The following TAOK3 variants were observed in gnomAD, a reference collection of about 807,000 sequenced individuals.
The protein encoded by TAOK3 is TAO kinase 3.
A neutral mutation model predicts 120.4 loss-of-function variants in TAOK3; 40 were observed. The ratio of observed to expected loss-of-function variants is 0.33; its 90% CI spans 0.26 to 0.43. The LOEUF is 0.43. TAOK3 is among the 20% of genes least tolerant of loss of function. The probability of loss-of-function intolerance (pLI) is 1.00; values close to 1 mark genes in which losing one functional copy is unlikely to be tolerated. For missense variants in TAOK3, 821 were observed against 1,112.1 expected, an observed-to-expected ratio of 0.74 and a Z score of 3.72; for synonymous variants, 355 against 387.5, an observed-to-expected ratio of 0.92 and a Z score of 0.99.
intron 2 of TAOK3, among the ~76,000 whole-genome samples, chr12:118,261,081 C>T (rs575583275): frequency 6.6e-6 from 1 of 152,236 alleles, no homozygotes. Context: ...AAAGGGGTTA[C>T]TGAACTTGAA....
chr12:118,249,248 A>T (rs1017041273), intron 3 of TAOK3, among the ~76,000 whole-genome samples: 3 of 152,192 alleles, frequency 2.0e-5, no homozygotes, highest in Non-Finnish European at 4.4e-5. Flanking sequence ...TTTTATAGAC[A>T]AATATAAAAA....
In TAOK3 at chr12:118,150,973, T is replaced by C; in HGVS notation, c.*24A>G. The C allele has an allele frequency of 6.6e-7, 1 of 1,521,886 alleles. No individual in the cohort carries two copies. Among genetic ancestry groups the C allele is most frequent in the Non-Finnish European group, 8.8e-7 (1 of 1,138,826 alleles). The allele number at this position is 1,521,886 out of a possible 1,614,324, so 94.3% of individuals were successfully genotyped here. ...TCTGTTTTCTTTTTTTTTTTTTTTTTTGTAAATGGCAAAAAATTTAATCTC... is the reference window on the plus strand; with the variant it reads ...TCTGTTTTCTTTTTTTTTTTTTTTTCTGTAAATGGCAAAAAATTTAATCTC... On this transcript the variant is annotated 3_prime_UTR_variant, in exon 21 of 21. Transcript: ENST00000392533.
At chr12:118,343,574 C>T (rs2044723229) in intron 1 of TAOK3, among the ~76,000 whole-genome samples, 1 of 151,988 alleles carries the variant, frequency 6.6e-6, no homozygotes, top group Non-Finnish European at 1.5e-5. Flanking sequence ...GTATGGGGTG[C>T]ACCTGCAAAC....
chr12:118,362,880 G>A (rs1478546729), intron 1 of TAOK3, among the ~76,000 whole-genome samples: 2 of 152,006 alleles, frequency 1.3e-5, no homozygotes, highest in African/African-American at 4.8e-5. Context: ...CTAGCTGGGT[G>A]TAGTGGCATG....
chr12:118,242,087 CAAA>C (rs138217247), intron 5 of TAOK3, among the ~76,000 whole-genome samples: 9 of 110,798 alleles, frequency 8.1e-5, no homozygotes, highest in Admixed American at 9.5e-5. Context: ...AACTCTGTCT[CAAA>C]AAAAAAAAAA....
At chr12:118,240,688 G>T (rs1180930611) in intron 5 of TAOK3, among the ~76,000 whole-genome samples, 2 of 151,976 alleles carry the variant, frequency 1.3e-5, no homozygotes, top group African/African-American at 4.8e-5. Flanking sequence ...CTGATTTGTA[G>T]TCAAGGTCAA....
At chr12:118,192,309 A>G (rs1253518148) in intron 13 of TAOK3, among the ~76,000 whole-genome samples, 4 of 152,182 alleles carry the variant, frequency 2.6e-5, no homozygotes, top group Non-Finnish European at 4.4e-5. Flanking sequence ...AAATAATGCT[A>G]TTTTTATAGT....
At chr12:118,284,293 A>G (rs1332621641) in intron 1 of TAOK3, among the ~76,000 whole-genome samples, 1 of 152,220 alleles carries the variant, frequency 6.6e-6, no homozygotes, top group African/African-American at 2.4e-5. Flanking sequence ...TATGGCTACC[A>G]AACAACAAAG....
chr12:118,159,209 C>A (rs77468065), intron 19 of TAOK3, among the ~76,000 whole-genome samples: 62 of 152,226 alleles, frequency 4.1e-4, no homozygotes, highest in African/African-American at 1.1e-3. Flanking sequence ...CAATGAATTC[C>A]TTAAAGTTTC....
intron 2 of TAOK3, among the ~76,000 whole-genome samples, chr12:118,259,340 G>A (rs1284560095): frequency 6.6e-6 from 1 of 152,098 alleles, no homozygotes; most frequent in Admixed American, 6.6e-5. Flanking sequence ...GAGCCCAGGA[G>A]TTTGAGACCA....
chr12:118,286,821 A>C (rs2042283960), intron 1 of TAOK3, among the ~76,000 whole-genome samples: 1 of 152,238 alleles, frequency 6.6e-6, no homozygotes, highest in African/African-American at 2.4e-5. Flanking sequence ...ACCAATCCAA[A>C]TGCCCATCAA....
chr12:118,371,361 T>A lies in TAOK3; in HGVS notation c.-194+1287A>T, dbSNP rs2045885921. Reference sequence around the variant, plus strand: ...CGCTTTCAAGACATCCACATCAGACTCTAAGGAACGAATGCGAAGCCAGCG... The same window carrying A: ...CGCTTTCAAGACATCCACATCAGACACTAAGGAACGAATGCGAAGCCAGCG... On this transcript the variant is annotated intron_variant, in intron 1 of 20. Transcript: ENST00000392533. This position sits in a 1 kb window ranked among gnomAD's most constrained non-coding sequence, Gnocchi z 5.5. Among the ~76,000 whole-genome samples the A allele has an allele frequency of 1.3e-5, 2 of 152,062 alleles. No homozygotes were observed. The highest frequency in any genetic ancestry group is 1.3e-4 in the Admixed American group (2 of 15,274).
At chr12:118,213,996 A>C (rs1242632178) in intron 10 of TAOK3, 21 bp downstream of exon 10, 7 of 1,584,686 alleles carry the variant, frequency 4.4e-6, no homozygotes, top group Non-Finnish European at 6.1e-6. Context: ...TTAGAGATTT[A>C]AAATGATAGC....
In TAOK3 at chr12:118,161,790, T is replaced by C. The variant is rs760816780; in HGVS notation, c.2137A>G (p.Lys713Glu). Residue 713 changes from lysine (K) to glutamate (E), a missense_variant and splice_region_variant, in exon 18 of 21, where the codon AAG becomes GAG. Coordinates refer to ENST00000392533, the MANE Select transcript of TAOK3 (RefSeq NM_016281.4). This position sits in a 1 kb window ranked among gnomAD's most constrained non-coding sequence, Gnocchi z 4.5. ...MELRQQPKNL[K>E]AMEMQIKKQF... ...CTGTCCAGCAGCACAAATCTTACCT[T>C]TAAGTTTTTTGGCTGTTGCCGAAGT... 6.2e-7 allele frequency: 1 copy of C among 1,614,176 alleles called. No homozygotes were observed. Among genetic ancestry groups the C allele is most frequent in the Admixed American group, 1.7e-5 (1 of 60,020 alleles).
intron 9 of TAOK3, among the ~76,000 whole-genome samples, chr12:118,221,086 A>G (rs1175445430): frequency 6.6e-6 from 1 of 152,240 alleles, no homozygotes; most frequent in Non-Finnish European, 1.5e-5. Flanking sequence ...ATTGTCTATG[A>G]CTGCTTTCAT....
intron 1 of TAOK3, among the ~76,000 whole-genome samples, chr12:118,272,033 T>A (rs932932020): frequency 1.3e-5 from 2 of 152,210 alleles, no homozygotes; most frequent in South Asian, 4.1e-4. Context: ...ATCAGAGATG[T>A]GCAATTGAAA....
intron 1 of TAOK3, among the ~76,000 whole-genome samples, chr12:118,290,955 T>C (rs2042451378): frequency 6.6e-6 from 1 of 151,320 alleles, no homozygotes; most frequent in East Asian, 1.9e-4. Flanking sequence ...TGGCGTGATC[T>C]CGGCTCACTG....
chr12:118,285,065 G>A (rs2042218233), intron 1 of TAOK3, among the ~76,000 whole-genome samples: 1 of 150,080 alleles, frequency 6.7e-6, no homozygotes, highest in African/African-American at 2.4e-5. Context: ...TTTTTAAAAG[G>A]GAATTCTGTG....
At chr12:118,296,158 C>G (rs1726836787) in intron 1 of TAOK3, among the ~76,000 whole-genome samples, 1 of 152,038 alleles carries the variant, frequency 6.6e-6, no homozygotes, top group African/African-American at 2.4e-5. Context: ...GTATGTGGGA[C>G]TTCTCTGATT....
Sources: allele counts gnomAD v4.1 joint callset (sites outside exome capture counted in the v4.1 genomes callset), GRCh38; gene constraint gnomAD v4.1.1; non-coding constraint Gnocchi (gnomAD v3.1); transcripts MANE v1.5; gene names NCBI Gene and HGNC (gene_info 2026-07-23, HGNC 2026-07-21).